The following ITPRID1 variants were observed in gnomAD, a reference collection of about 807,000 sequenced individuals.
ITPRID1 encodes ITPR interacting domain containing 1.
A neutral mutation model predicts 95.4 loss-of-function variants in ITPRID1; 96 were observed. The ratio of observed to expected loss-of-function variants is 1.01; its 90% CI spans 0.85 to 1.19. The LOEUF is 1.19. Among genes scored for constraint, ITPRID1 ranks in the 50% most tolerant of loss-of-function variants. ITPRID1 has a pLI of 0.00. For synonymous variants in ITPRID1, 510 were observed against 453.6 expected, an observed-to-expected ratio of 1.12 and a Z score of -1.58; for missense variants, 1,339 against 1,252.9, an observed-to-expected ratio of 1.07 and a Z score of -1.04.
downstream of ITPRID1, among the ~76,000 whole-genome samples, chr7:31,658,022 A>G (rs147157224): frequency 6.6e-6 from 1 of 152,300 alleles, no homozygotes; most frequent in East Asian, 1.9e-4. Context: ...TGAATAGGTA[A>G]GATCAATTTG....
chr7:31,652,806 A>G lies in ITPRID1; in HGVS notation c.3112A>G (p.Lys1038Glu). ...TPLSNCPVGE[K>E]DADVFL ...TTTGTCAAATTGTCCTGTTGGAGAA[A>G]AGGATGCAGATGTCTTCCTCTAGAT... is the stretch of plus-strand genomic sequence containing the variant. Residue 1038 changes from lysine (K) to glutamate (E), a missense_variant, in exon 15 of 15, where the codon AAG (lysine) becomes GAG (glutamate). Lys to Glu is a moderately conservative substitution (Grantham distance 56). Coordinates refer to ENST00000615280, the MANE Select transcript of ITPRID1 (RefSeq NM_001257967.3). 6.2e-7 allele frequency: 1 copy of G among 1,613,292 alleles called. No individual in the cohort carries two copies. The highest frequency in any genetic ancestry group is 8.5e-7 in the Non-Finnish European group (1 of 1,179,294).
intron 1 of ITPRID1, among the ~76,000 whole-genome samples, chr7:31,534,888 C>T (rs1783710978): frequency 6.6e-6 from 1 of 152,028 alleles, no homozygotes; most frequent in Non-Finnish European, 1.5e-5. Flanking sequence ...TTTTAAATTA[C>T]ATTTTATCTT....
chr7:31,657,626 G>A (rs1791363379), downstream of ITPRID1, among the ~76,000 whole-genome samples: 2 of 151,994 alleles, frequency 1.3e-5, no homozygotes, highest in Non-Finnish European at 1.5e-5. Context: ...GTTCCTGAAT[G>A]ATTATCTGTG....
chr7:31,523,770 A>AC (rs1783341321), intron 1 of ITPRID1, among the ~76,000 whole-genome samples: 1 of 152,208 alleles, frequency 6.6e-6, no homozygotes, highest in African/African-American at 2.4e-5. Flanking sequence ...AGTCTCGGGT[A>AC]TTTATAACAA....
At chr7:31,521,030 A>T (rs1303541604) in intron 1 of ITPRID1, among the ~76,000 whole-genome samples, 2 of 150,976 alleles carry the variant, frequency 1.3e-5, no homozygotes, top group African/African-American at 4.9e-5. Flanking sequence ...TTGAAAAATA[A>T]GGTTTGGTTT....
At position 31,643,645 on chromosome 7, in the gene ITPRID1, G is replaced by T; in HGVS notation, c.2275G>T (p.Asp759Tyr). 1 of 1,614,030 alleles carries T rather than the reference G, an allele frequency of 6.2e-7. No individual in the cohort carries two copies. Among genetic ancestry groups the T allele is most frequent in the Non-Finnish European group, 8.5e-7 (1 of 1,179,900 alleles). The change falls in exon 12 of 15, where the codon GAT becomes TAT. Residue 759 changes from aspartate (D) to tyrosine (Y), a missense_variant. Asp to Tyr is a radical substitution (Grantham distance 160). Coordinates refer to ENST00000615280, the MANE Select transcript of ITPRID1 (RefSeq NM_001257967.3). The stretch of plus-strand genomic sequence containing the variant: ...GGGGACAAAAGCAAGACAGTTAAAT[G>T]ATGCTTCCATTCAGACTTCAGCTCT... ...RLGTKARQLN[D>Y]ASIQTSALSN...
chr7:31,548,352 G>A (rs928843987), intron 1 of ITPRID1, among the ~76,000 whole-genome samples: 1 of 152,066 alleles, frequency 6.6e-6, no homozygotes, highest in South Asian at 2.1e-4. Context: ...TAGTCTGATG[G>A]CATATGCTTC....
intron 10 of ITPRID1, among the ~76,000 whole-genome samples, chr7:31,631,282 A>G (rs2128193888): frequency 6.6e-6 from 1 of 152,350 alleles, no homozygotes; most frequent in East Asian, 1.9e-4. Flanking sequence ...ACAAACACAT[A>G]TGCGTGCGTG....
chr7:31,624,549 T>C (rs1465077345), intron 10 of ITPRID1, among the ~76,000 whole-genome samples: 1 of 130,402 alleles, frequency 7.7e-6, no homozygotes, highest in Non-Finnish European at 1.6e-5. Flanking sequence ...TAAATGGTGC[T>C]GGGAAAACTG....
At chr7:31,611,629 A>G (rs890463945) in intron 10 of ITPRID1, among the ~76,000 whole-genome samples, 3 of 152,024 alleles carry the variant, frequency 2.0e-5, no homozygotes, top group South Asian at 4.1e-4. Flanking sequence ...GTTTTGCTGA[A>G]TATAGAATTC....
intron 1 of ITPRID1, among the ~76,000 whole-genome samples, chr7:31,544,295 A>G (rs116311617): frequency 2.4e-3 from 359 of 152,254 alleles, no homozygotes; most frequent in African/African-American, 8.3e-3. Context: ...GGTACATGGA[A>G]GGCAGGTGTG....
chr7:31,589,366 A>T (rs2128153393), intron 10 of ITPRID1, among the ~76,000 whole-genome samples: 1 of 152,280 alleles, frequency 6.6e-6, no homozygotes, highest in Non-Finnish European at 1.5e-5. Context: ...ATATATATGT[A>T]GTTGCAGTCT....
At chr7:31,576,675 ATAC>A (rs2128145881) in intron 8 of ITPRID1, among the ~76,000 whole-genome samples, 1 of 152,308 alleles carries the variant, frequency 6.6e-6, no homozygotes, top group South Asian at 2.1e-4. Context: ...TGATTAGTCA[ATAC>A]TACTTCTTGT....
At chr7:31,615,955 C>G (rs1787175677) in intron 10 of ITPRID1, among the ~76,000 whole-genome samples, 1 of 151,930 alleles carries the variant, frequency 6.6e-6, no homozygotes, top group Non-Finnish European at 1.5e-5. Flanking sequence ...CGGGGTTTCA[C>G]TGTGGTCTCG....
chr7:31,607,717 T>A (rs979044272), intron 10 of ITPRID1, among the ~76,000 whole-genome samples: 1 of 124,012 alleles, frequency 8.1e-6, no homozygotes, highest in African/African-American at 3.0e-5. Context: ...CTGTCAATAA[T>A]TTTAAGCACA....
chr7:31,600,917 G>A (rs1178742494), intron 10 of ITPRID1, among the ~76,000 whole-genome samples: 3 of 152,128 alleles, frequency 2.0e-5, no homozygotes, highest in Admixed American at 2.0e-4. Flanking sequence ...CGTTTTTAAA[G>A]AGGTAATGCA....
intron 10 of ITPRID1, among the ~76,000 whole-genome samples, chr7:31,598,554 C>T (rs1583552822): frequency 6.6e-6 from 1 of 151,860 alleles, no homozygotes; most frequent in East Asian, 1.9e-4. Context: ...CAGGCGCCCG[C>T]TACCACGCCC....
At chr7:31,560,578 A>C (rs1270403695) in intron 5 of ITPRID1, among the ~76,000 whole-genome samples, 3 of 152,176 alleles carry the variant, frequency 2.0e-5, no homozygotes, top group African/African-American at 7.2e-5. Flanking sequence ...TTATGTTTAA[A>C]ATGTAGACAG....
Position 31,652,837 on chromosome 7 carries a change from C to A in ITPRID1, c.*8C>A. Reference sequence around the variant, plus strand: ...GCAGATGTCTTCCTCTAGATCAGAGCAGGTTTGTTAACCTTCATACAAAAT... The same window carrying A: ...GCAGATGTCTTCCTCTAGATCAGAGAAGGTTTGTTAACCTTCATACAAAAT... On this transcript the variant is annotated 3_prime_UTR_variant, in exon 15 of 15. Transcript: ENST00000615280. 6.2e-7 allele frequency: 1 copy of A among 1,606,042 alleles called. No homozygotes were observed. Among genetic ancestry groups the A allele is most frequent in the Non-Finnish European group, 8.5e-7 (1 of 1,173,376 alleles).
Sources: gnomAD v4.1 joint callset for allele counts (sites outside exome capture counted in the v4.1 genomes callset) on GRCh38, gnomAD v4.1.1 for gene constraint, MANE v1.5 for transcripts, NCBI Gene and HGNC (gene_info 2026-07-23, HGNC 2026-07-21) for gene names.